The following AGBL4 variants were observed in gnomAD, a reference collection of about 807,000 sequenced individuals.
The protein encoded by AGBL4 is AGBL carboxypeptidase 4.
A neutral mutation model predicts 66.4 loss-of-function variants in AGBL4; 58 were observed. That is an observed-to-expected ratio of 0.87 (90% CI 0.71 to 1.09). The LOEUF is 1.09. AGBL4 is among the 50% of genes least tolerant of loss of function. The pLI, the probability that AGBL4 is intolerant of heterozygous loss-of-function variation, is 0.00. For synonymous variants in AGBL4, 234 were observed against 222.9 expected, an observed-to-expected ratio of 1.05 and a Z score of -0.44; for missense variants, 579 against 631.0, an observed-to-expected ratio of 0.92 and a Z score of 0.88.
chr1:48,712,612 T>A (rs1357928318), intron 6 of AGBL4, among the ~76,000 whole-genome samples: 1 of 152,166 alleles, frequency 6.6e-6, no homozygotes, highest in African/African-American at 2.4e-5. Flanking sequence ...AGGGACTTGC[T>A]CAGCTGCAGG....
chr1:49,776,151 A>G (rs1644191798), intron 2 of AGBL4, among the ~76,000 whole-genome samples: 1 of 152,098 alleles, frequency 6.6e-6, no homozygotes, highest in Non-Finnish European at 1.5e-5. Flanking sequence ...AAGCTTAGAA[A>G]AAATGGTGGT....
At chr1:49,902,676 G>A (rs1345149692) in intron 1 of AGBL4, among the ~76,000 whole-genome samples, 3 of 152,160 alleles carry the variant, frequency 2.0e-5, no homozygotes, top group Non-Finnish European at 4.4e-5. Flanking sequence ...GAGCCCGGGA[G>A]ATGGAGGTTG....
At chr1:49,168,898 C>T (rs574014327) in intron 4 of AGBL4, among the ~76,000 whole-genome samples, 72 of 152,224 alleles carry the variant, frequency 4.7e-4, no homozygotes, top group Non-Finnish European at 8.7e-4. Flanking sequence ...TGTCAGCAGC[C>T]GCTGGGGACC....
At chr1:49,186,995 G>A (rs1647026687) in intron 4 of AGBL4, among the ~76,000 whole-genome samples, 1 of 152,114 alleles carries the variant, frequency 6.6e-6, no homozygotes, top group Non-Finnish European at 1.5e-5. Flanking sequence ...CAGAAAATTT[G>A]GAAAATATAC....
chr1:49,268,221 A>G (rs1446027391), intron 3 of AGBL4: 2 of 151,010 alleles, frequency 1.3e-5, no homozygotes, highest in Non-Finnish European at 2.9e-5. Context: ...TCCCCTGCAC[A>G]GAAGTGCTAC....
chr1:48,866,823 G>A (rs983677280), intron 6 of AGBL4, among the ~76,000 whole-genome samples: 6 of 152,060 alleles, frequency 3.9e-5, no homozygotes, highest in Non-Finnish European at 7.3e-5. Context: ...TTCATTCTAT[G>A]GCACCTTCCA....
chr1:49,341,294 C>A (rs552075641), intron 3 of AGBL4, among the ~76,000 whole-genome samples: 20 of 152,200 alleles, frequency 1.3e-4, no homozygotes, highest in South Asian at 6.2e-4. Context: ...ACCTCCAAAC[C>A]AAAGGAAAAT....
intron 3 of AGBL4, among the ~76,000 whole-genome samples, chr1:49,371,063 T>C (rs528627739): frequency 6.6e-6 from 1 of 152,234 alleles, no homozygotes; most frequent in African/African-American, 2.4e-5. Flanking sequence ...ATCAGCCAGT[T>C]TTTGGACCAG....
intron 3 of AGBL4, among the ~76,000 whole-genome samples, chr1:49,512,279 CAATATTTATTAGCT>C (rs1330743740): frequency 6.6e-6 from 1 of 151,970 alleles, no homozygotes; most frequent in Non-Finnish European, 1.5e-5. Flanking sequence ...ATCCTACCTG[CAATATTTATTAGCT>C]ATGAAATATT....
chr1:49,839,318 T>A (rs955919468), intron 2 of AGBL4, among the ~76,000 whole-genome samples: 1 of 152,198 alleles, frequency 6.6e-6, no homozygotes, highest in African/African-American at 2.4e-5. Context: ...ATTTTTGGTC[T>A]ACAGTTACAG....
At chr1:48,571,726 T>G (rs1644567082) in intron 11 of AGBL4, among the ~76,000 whole-genome samples, 1 of 152,178 alleles carries the variant, frequency 6.6e-6, no homozygotes, top group Non-Finnish European at 1.5e-5. Flanking sequence ...GCAAGCAAAT[T>G]AAAATAACTG....
chr1:49,826,803 T>G (rs1171401710), intron 2 of AGBL4, among the ~76,000 whole-genome samples: 1 of 152,202 alleles, frequency 6.6e-6, no homozygotes, highest in Non-Finnish European at 1.5e-5. Context: ...AAATCATGGT[T>G]CCTGCCCTCA....
intron 3 of AGBL4, among the ~76,000 whole-genome samples, chr1:49,614,498 A>G (rs753584378): frequency 2.6e-5 from 4 of 152,304 alleles, no homozygotes; most frequent in Non-Finnish European, 5.9e-5. Flanking sequence ...CTATGAAAAA[A>G]GTACCAGTAA....
chr1:49,666,920 T>A (rs1488193727), intron 3 of AGBL4, among the ~76,000 whole-genome samples: 1 of 152,086 alleles, frequency 6.6e-6, no homozygotes, highest in Non-Finnish European at 1.5e-5. Context: ...AGCACTTTAC[T>A]ATAATTGTCT....
chr1:49,236,718 C>T (rs1385586615), intron 4 of AGBL4, among the ~76,000 whole-genome samples: 9 of 152,090 alleles, frequency 5.9e-5, no homozygotes, highest in Admixed American at 5.9e-4. Flanking sequence ...AGTTCTATGT[C>T]ATCTTGTCAC....
intron 3 of AGBL4, among the ~76,000 whole-genome samples, chr1:49,489,584 G>A (rs987525690): frequency 6.6e-6 from 1 of 151,792 alleles, no homozygotes; most frequent in African/African-American, 2.4e-5. Context: ...CTGTGCTTGT[G>A]GGGTATTACT....
In AGBL4 at chr1:48,534,145, C is replaced by A; in HGVS notation, c.*28G>T. ...CAGCAGAAAATGCATGCTCCTGTCC[C>A]CATAAGACCTCCCAGGACTCCGTGT... is the stretch of plus-strand genomic sequence containing the variant. On this transcript the variant is annotated 3_prime_UTR_variant, in exon 14 of 14. Transcript: ENST00000371839. 6.4e-7 allele frequency: 1 copy of A among 1,551,340 alleles called. No homozygotes were observed. Among genetic ancestry groups the A allele is most frequent in the Non-Finnish European group, 8.7e-7 (1 of 1,146,778 alleles).
intron 11 of AGBL4, chr1:48,586,060 G>A (rs965618424): frequency 6.6e-6 from 1 of 152,160 alleles, no homozygotes; most frequent in African/African-American, 2.4e-5. Flanking sequence ...GTTAGGAAAG[G>A]AGACATAGAT....
At chr1:49,884,868 T>C (rs919785983) in intron 1 of AGBL4, among the ~76,000 whole-genome samples, 1 of 151,922 alleles carries the variant, frequency 6.6e-6, no homozygotes, top group Non-Finnish European at 1.5e-5. Flanking sequence ...TATCTATAGA[T>C]GTAGCATGTA....
Sources: gnomAD v4.1 joint callset for allele counts (sites outside exome capture counted in the v4.1 genomes callset) on GRCh38, gnomAD v4.1.1 for gene constraint, MANE v1.5 for transcripts, NCBI Gene and HGNC (gene_info 2026-07-23, HGNC 2026-07-21) for gene names.